The following AGBL4 variants were observed in gnomAD, a reference collection of about 807,000 sequenced individuals.
AGBL4 encodes cytosolic carboxypeptidase 6.
In AGBL4, 58 loss-of-function variants were observed where a neutral mutation model predicts 66.4. The observed-to-expected ratio is 0.87, with a 90% CI of 0.71 to 1.09. The LOEUF (loss-of-function observed/expected upper bound fraction) is 1.09. Ranked by LOEUF, AGBL4 falls within the 50% of genes least tolerant of loss-of-function variation. The probability of loss-of-function intolerance (pLI) is 0.00; values close to 1 mark genes in which losing one functional copy is unlikely to be tolerated. For synonymous variants in AGBL4, 234 were observed against 222.9 expected, an observed-to-expected ratio of 1.05 and a Z score of -0.44; for missense variants, 579 against 631.0, an observed-to-expected ratio of 0.92 and a Z score of 0.88.
rs1648012894 is a variant in AGBL4 at position 49,715,242 on chromosome 1, T to A, written c.158-17805A>T. 5.3e-5 allele frequency among the ~76,000 whole-genome samples: 8 copies of A among 152,300 alleles called. No individual in the cohort carries two copies. The South Asian group carries it at 1.7e-3, about 32-fold the overall frequency. ...TTGGTTTTCTGTTCCTGTGTTAGTT[T>A]GCTGAGAATGATGGTTTCCAGCTTC... On this transcript the variant is annotated intron_variant, in intron 2 of 13. Coordinates refer to ENST00000371839, the MANE Select transcript of AGBL4 (RefSeq NM_032785.4).
At chr1:49,345,803 T>C (rs1312098630) in intron 3 of AGBL4, among the ~76,000 whole-genome samples, 2 of 152,182 alleles carry the variant, frequency 1.3e-5, no homozygotes, top group Non-Finnish European at 1.5e-5. Context: ...TATGAAAATA[T>C]AGTTATTTGG....
intron 5 of AGBL4, among the ~76,000 whole-genome samples, chr1:48,896,027 C>T (rs1425250352): frequency 3.9e-5 from 6 of 152,130 alleles, no homozygotes; most frequent in Non-Finnish European, 2.9e-5. Flanking sequence ...TCAAAAATGG[C>T]GATGGCAATA....
At chr1:49,031,229 A>G (rs564053231) in intron 5 of AGBL4, among the ~76,000 whole-genome samples, 1 of 152,234 alleles carries the variant, frequency 6.6e-6, no homozygotes, top group South Asian at 2.1e-4. Flanking sequence ...CTGGGACTAC[A>G]GGTACACAAC....
chr1:49,445,315 TGAA>T (rs1646129835), intron 3 of AGBL4, among the ~76,000 whole-genome samples: 1 of 152,128 alleles, frequency 6.6e-6, no homozygotes, highest in Non-Finnish European at 1.5e-5. Flanking sequence ...GACTCCATCT[TGAA>T]GAAGAATTTT....
chr1:49,774,235 G>A (rs1644139414), intron 2 of AGBL4, among the ~76,000 whole-genome samples: 1 of 152,218 alleles, frequency 6.6e-6, no homozygotes, highest in Admixed American at 6.5e-5. Context: ...GTCTGCAACA[G>A]TGATAGGGAC....
At chr1:49,954,659 G>C (rs1053419719) in intron 1 of AGBL4, among the ~76,000 whole-genome samples, 19 of 151,962 alleles carry the variant, frequency 1.3e-4, no homozygotes, top group African/African-American at 4.1e-4. Flanking sequence ...CTATAACTAA[G>C]TTCTGACCAG....
intron 3 of AGBL4, among the ~76,000 whole-genome samples, chr1:49,656,192 G>T (rs1445073282): frequency 6.6e-6 from 1 of 150,828 alleles, no homozygotes; most frequent in Admixed American, 6.6e-5. Context: ...CAATCCCACA[G>T]AAATATGAAC....
intron 2 of AGBL4, among the ~76,000 whole-genome samples, chr1:49,813,294 T>C (rs1000993051): frequency 6.6e-6 from 1 of 152,152 alleles, no homozygotes; most frequent in Non-Finnish European, 1.5e-5. Flanking sequence ...TTAAAAATTG[T>C]ATTAATATAG....
intron 8 of AGBL4, among the ~76,000 whole-genome samples, chr1:48,639,853 T>C (rs1317813565): frequency 6.6e-6 from 1 of 152,176 alleles, no homozygotes; most frequent in African/African-American, 2.4e-5. Flanking sequence ...CTTGTGTCCC[T>C]AACTGACTAT....
chr1:49,656,786 G>C (rs1447799857), intron 3 of AGBL4, among the ~76,000 whole-genome samples: 1 of 152,104 alleles, frequency 6.6e-6, no homozygotes, highest in Non-Finnish European at 1.5e-5. Flanking sequence ...TGCAGAAAAG[G>C]CCTTCGACAA....
At position 49,407,985 on chromosome 1, in the gene AGBL4, C is replaced by A. The variant is rs185466634; in HGVS notation, c.283-162121G>T. 2.3e-4 allele frequency among the ~76,000 whole-genome samples: 35 copies of A among 152,304 alleles called. No individual in the cohort carries two copies. In the East Asian group the frequency reaches 6.7e-3, roughly 29 times the overall value. On this transcript the variant is annotated intron_variant, in intron 3 of 13. Coordinates refer to ENST00000371839, the MANE Select transcript of AGBL4 (RefSeq NM_032785.4). ...CAGTCTACAGTTGGCTAACCCTGCTCCCAGGTTACAGAATTCTGAGGTCAC... is the reference window on the plus strand; with the variant it reads ...CAGTCTACAGTTGGCTAACCCTGCTACCAGGTTACAGAATTCTGAGGTCAC...
At chr1:48,798,736 G>A (rs1200399626) in intron 6 of AGBL4, among the ~76,000 whole-genome samples, 1 of 152,148 alleles carries the variant, frequency 6.6e-6, no homozygotes, top group Non-Finnish European at 1.5e-5. Context: ...CATGTGGCTT[G>A]CCAATTATTC....
intron 3 of AGBL4, among the ~76,000 whole-genome samples, chr1:49,484,247 G>C (rs1647016659): frequency 6.6e-6 from 1 of 151,758 alleles, no homozygotes; most frequent in Non-Finnish European, 1.5e-5. Context: ...CCTCTCCTAG[G>C]TATATATTCA....
chr1:49,927,541 G>A (rs562340699), intron 1 of AGBL4, among the ~76,000 whole-genome samples: 17 of 152,184 alleles, frequency 1.1e-4, no homozygotes, highest in South Asian at 2.1e-4. Flanking sequence ...GAAACCACCC[G>A]AATGATCCAA....
At chr1:49,785,215 A>G (rs1644423673) in intron 2 of AGBL4, among the ~76,000 whole-genome samples, 1 of 152,106 alleles carries the variant, frequency 6.6e-6, no homozygotes. Flanking sequence ...ACCAAAGAGT[A>G]CAAAGCTTCT....
chr1:48,701,030 G>A (rs1388943520), intron 6 of AGBL4, among the ~76,000 whole-genome samples: 1 of 152,154 alleles, frequency 6.6e-6, no homozygotes, highest in Admixed American at 6.5e-5. Context: ...TGAACATTCT[G>A]GGGGATTTTT....
intron 4 of AGBL4, among the ~76,000 whole-genome samples, chr1:49,176,002 A>T (rs1466313200): frequency 1.3e-5 from 2 of 152,160 alleles, no homozygotes; most frequent in African/African-American, 4.8e-5. Flanking sequence ...TGCCCATACA[A>T]TTATATACAA....
At chr1:48,563,512 G>A (rs1644428264) in intron 11 of AGBL4, among the ~76,000 whole-genome samples, 1 of 152,100 alleles carries the variant, frequency 6.6e-6, no homozygotes, top group African/African-American at 2.4e-5. Context: ...GGGGGTCTGA[G>A]AGAGGAGAGA....
At chr1:49,853,854 C>A (rs1023284487) in intron 1 of AGBL4, among the ~76,000 whole-genome samples, 1 of 151,690 alleles carries the variant, frequency 6.6e-6, no homozygotes, top group Non-Finnish European at 1.5e-5. Flanking sequence ...AGATGAAGTA[C>A]AAACTAAAGG....
Sources: allele counts gnomAD v4.1 joint callset (sites outside exome capture counted in the v4.1 genomes callset), GRCh38; gene constraint gnomAD v4.1.1; transcripts MANE v1.5; gene names NCBI Gene and HGNC (gene_info 2026-07-23, HGNC 2026-07-21).